The following KCNT2 variants were observed in gnomAD, a reference collection of about 807,000 sequenced individuals.
KCNT2 encodes the protein potassium sodium-activated channel subfamily T member 2.
A neutral mutation model predicts 153.8 loss-of-function variants in KCNT2; 67 were observed. The observed-to-expected ratio is 0.44, with a 90% CI of 0.36 to 0.53. The LOEUF (loss-of-function observed/expected upper bound fraction) is 0.53, where lower values mean the gene tolerates loss of function less well. KCNT2 is among the 20% of genes least tolerant of loss of function. The pLI, the probability that KCNT2 is intolerant of heterozygous loss-of-function variation, is 0.00. For synonymous variants in KCNT2, 500 were observed against 458.8 expected, an observed-to-expected ratio of 1.09 and a Z score of -1.15; for missense variants, 975 against 1,354.8, an observed-to-expected ratio of 0.72 and a Z score of 4.40.
At chr1:196,452,098 C>T (rs533329168) in intron 8 of KCNT2, among the ~76,000 whole-genome samples, 3 of 152,058 alleles carry the variant, frequency 2.0e-5, no homozygotes, top group Non-Finnish European at 2.9e-5. Context: ...TCTATAACTT[C>T]CCTTGCTTTC....
intron 1 of KCNT2, among the ~76,000 whole-genome samples, chr1:196,558,093 T>C (rs1005724137): frequency 6.6e-6 from 1 of 151,416 alleles, no homozygotes; most frequent in Non-Finnish European, 1.5e-5. Context: ...AGAAAGCACT[T>C]TTTAATTGTA....
chr1:196,423,565 T>C (rs565240584), intron 11 of KCNT2, among the ~76,000 whole-genome samples: 17 of 151,864 alleles, frequency 1.1e-4, no homozygotes, highest in African/African-American at 3.9e-4. Context: ...TCATCATCTT[T>C]TTCCAAGCCC....
At chr1:196,385,150 C>T (rs1369373195) in intron 13 of KCNT2, among the ~76,000 whole-genome samples, 1 of 152,182 alleles carries the variant, frequency 6.6e-6, no homozygotes, top group East Asian at 1.9e-4. Context: ...CTTACCTACT[C>T]TGAATTGTCC....
At chr1:196,243,737 T>C (rs1655169575) in intron 26 of KCNT2, among the ~76,000 whole-genome samples, 1 of 151,940 alleles carries the variant, frequency 6.6e-6, no homozygotes, top group Non-Finnish European at 1.5e-5. Context: ...TGCTCTGGGG[T>C]TCTAAATAAA....
intron 21 of KCNT2, among the ~76,000 whole-genome samples, chr1:196,311,101 C>A (rs1458481124): frequency 6.6e-6 from 1 of 151,848 alleles, no homozygotes; most frequent in Non-Finnish European, 1.5e-5. Context: ...TTCCCTGACC[C>A]ATGGGACTAG....
chr1:196,350,499 T>A lies in KCNT2; in HGVS notation c.1404-8271A>T, dbSNP rs538562758. 8.5e-5 allele frequency among the ~76,000 whole-genome samples: 13 copies of A among 152,318 alleles called. No individual in the cohort carries two copies. The East Asian group carries it at 2.5e-3, about 29-fold the overall frequency. On this transcript the variant is annotated intron_variant, in intron 14 of 27. Coordinates refer to ENST00000294725, the MANE Select transcript of KCNT2 (RefSeq NM_198503.5). ...TTCATGTGTCTTTTGGCTGCATAAA[T>A]GTCTTCTTTTGAGAAGTGTCTGTTC...
At chr1:196,334,790 A>G (rs1236470573) in intron 16 of KCNT2, among the ~76,000 whole-genome samples, 1 of 152,116 alleles carries the variant, frequency 6.6e-6, no homozygotes, top group Non-Finnish European at 1.5e-5. Context: ...AGACAAATAA[A>G]TGGATAATTG....
At chr1:196,536,854 T>C (rs1370834277) in intron 1 of KCNT2, among the ~76,000 whole-genome samples, 2 of 152,196 alleles carry the variant, frequency 1.3e-5, no homozygotes, top group African/African-American at 2.4e-5. Flanking sequence ...CATCCCACTA[T>C]TGAGTAATTC....
At chr1:196,566,012 T>G (rs574015928) in intron 1 of KCNT2, among the ~76,000 whole-genome samples, 1 of 152,072 alleles carries the variant, frequency 6.6e-6, no homozygotes. Flanking sequence ...AGATTATATA[T>G]GCTAATTAGC....
At chr1:196,491,542 TA>T (rs949488568) in intron 2 of KCNT2, among the ~76,000 whole-genome samples, 27 of 151,902 alleles carry the variant, frequency 1.8e-4, no homozygotes, top group African/African-American at 5.1e-4. Context: ...GCAATGACCA[TA>T]AAAAAAATTG....
chr1:196,313,758 G>A (rs760985418), intron 21 of KCNT2, among the ~76,000 whole-genome samples: 5 of 151,548 alleles, frequency 3.3e-5, no homozygotes, highest in Admixed American at 2.6e-4. Flanking sequence ...TAGGGCATAA[G>A]AAAGGAAAGA....
In KCNT2 at chr1:196,582,236, G is replaced by A. The variant is rs150545866; in HGVS notation, c.95+25979C>T. ...ATTTTCTAGCTTTGTAATCACCAAC[G>A]GATTACTTAACTTCTCTATGCCTGT... On this transcript the variant is annotated intron_variant, in intron 1 of 27. Transcript: ENST00000294725. Among the ~76,000 whole-genome samples, 742 of 151,896 alleles carry A rather than the reference G, an allele frequency of 4.9e-3. 3 individuals carry two copies. Among genetic ancestry groups the A allele is most frequent in the African/African-American group, 0.016 (672 of 41,452 alleles).
At chr1:196,562,015 T>C (rs1659478889) in intron 1 of KCNT2, among the ~76,000 whole-genome samples, 1 of 151,656 alleles carries the variant, frequency 6.6e-6, no homozygotes, top group African/African-American at 2.4e-5. Context: ...TGCAGATGAG[T>C]CTTATCAAGC....
At chr1:196,465,711 T>C (rs1172510287) in intron 7 of KCNT2, among the ~76,000 whole-genome samples, 2 of 151,908 alleles carry the variant, frequency 1.3e-5, no homozygotes, top group Non-Finnish European at 2.9e-5. Flanking sequence ...TGAACTTTTA[T>C]GGAAAATCCT....
intron 12 of KCNT2, among the ~76,000 whole-genome samples, chr1:196,410,887 T>C (rs1449567930): frequency 6.6e-6 from 1 of 151,554 alleles, no homozygotes; most frequent in Non-Finnish European, 1.5e-5. Context: ...CCCAATGTCT[T>C]CTCTTTCTTT....
intron 21 of KCNT2, among the ~76,000 whole-genome samples, chr1:196,308,434 A>G (rs780263925): frequency 1.3e-5 from 2 of 151,940 alleles, no homozygotes; most frequent in Admixed American, 6.6e-5. Context: ...GTTGTCCAGT[A>G]TGTCTCCTCA....
intron 22 of KCNT2, among the ~76,000 whole-genome samples, chr1:196,298,272 C>T (rs938861053): frequency 6.6e-6 from 1 of 152,174 alleles, no homozygotes; most frequent in Non-Finnish European, 1.5e-5. Context: ...GAAGACTGCA[C>T]CCAATTTAAA....
At chr1:196,509,715 T>C (rs1324103042) in intron 1 of KCNT2, among the ~76,000 whole-genome samples, 1 of 152,204 alleles carries the variant, frequency 6.6e-6, no homozygotes, top group African/African-American at 2.4e-5. Flanking sequence ...TAGGTGTCTG[T>C]ATATTTTTAA....
chr1:196,410,177 G>GT (rs1313206777), intron 12 of KCNT2, among the ~76,000 whole-genome samples: 4 of 151,356 alleles, frequency 2.6e-5, no homozygotes, highest in Admixed American at 6.6e-5. Flanking sequence ...GTTTGGTTTT[G>GT]TTTTTTGCTA....
Sources: gnomAD v4.1 joint callset for allele counts (sites outside exome capture counted in the v4.1 genomes callset) on GRCh38, gnomAD v4.1.1 for gene constraint, MANE v1.5 for transcripts, NCBI Gene and HGNC (gene_info 2026-07-23, HGNC 2026-07-21) for gene names.